DLG2: variants seen among roughly 807,000 people sequenced by gnomAD.
DLG2 encodes disks large homolog 2.
A neutral mutation model predicts 132.5 loss-of-function variants in DLG2; 45 were observed. The ratio of observed to expected loss-of-function variants is 0.34; its 90% CI spans 0.27 to 0.44. DLG2 has a LOEUF of 0.44. Ranked by LOEUF, DLG2 falls within the 20% of genes least tolerant of loss-of-function variation. The pLI, the probability that DLG2 is intolerant of heterozygous loss-of-function variation, is 1.00. For synonymous variants in DLG2, 424 were observed against 419.6 expected, an observed-to-expected ratio of 1.01 and a Z score of -0.13; for missense variants, 1,045 against 1,196.9, an observed-to-expected ratio of 0.87 and a Z score of 1.87.
intron 8 of DLG2, among the ~76,000 whole-genome samples, chr11:84,220,394 G>T (rs1308510242): frequency 6.6e-6 from 1 of 152,072 alleles, no homozygotes; most frequent in African/African-American, 2.4e-5. Flanking sequence ...TTTACCATAG[G>T]TTTTCTAATT....
At chr11:84,182,932 A>G (rs2096179137) in intron 8 of DLG2, among the ~76,000 whole-genome samples, 1 of 152,212 alleles carries the variant, frequency 6.6e-6, no homozygotes, top group Admixed American at 6.5e-5. Flanking sequence ...CATGGTCATT[A>G]AAAGGATAAT....
chr11:84,371,550 A>G (rs1225021925), intron 7 of DLG2, among the ~76,000 whole-genome samples: 1 of 151,006 alleles, frequency 6.6e-6, no homozygotes, highest in Non-Finnish European at 1.5e-5. Context: ...GCCTGGCCAC[A>G]AAATCTTTTC....
chr11:85,535,282 G>A (rs1565650002), intron 3 of DLG2, among the ~76,000 whole-genome samples: 1 of 151,824 alleles, frequency 6.6e-6, no homozygotes, highest in Non-Finnish European at 1.5e-5. Context: ...AAACATTGTA[G>A]GTATTATAAA....
chr11:85,485,365 A>G (rs566652636), intron 3 of DLG2, among the ~76,000 whole-genome samples: 2 of 152,052 alleles, frequency 1.3e-5, no homozygotes, highest in African/African-American at 2.4e-5. Flanking sequence ...CAATAAATAA[A>G]TAAACAAATA....
At position 85,445,552 on chromosome 11, in the gene DLG2, C is replaced by T. The variant is rs150127314; in HGVS notation, c.40+153105G>A. ...AAAATTAGCTGTGCATCATGGCCTG[C>T]GCCTGTAATCCCAGCTACTCAGGAG... On this transcript the variant is annotated intron_variant, in intron 3 of 27. Transcript: ENST00000376104. Among the ~76,000 whole-genome samples the T allele has an allele frequency of 1.0e-2, 1,517 of 152,192 alleles. 31 individuals carry two copies. Among genetic ancestry groups the T allele is most frequent in the African/African-American group, 0.035 (1,433 of 41,532 alleles).
intron 6 of DLG2, among the ~76,000 whole-genome samples, chr11:84,615,752 C>T (rs1462655203): frequency 6.9e-6 from 1 of 143,978 alleles, no homozygotes; most frequent in Non-Finnish European, 1.5e-5. Context: ...TATTTTGTCT[C>T]CAAATTATCT....
intron 15 of DLG2, among the ~76,000 whole-genome samples, chr11:83,908,632 C>G (rs1283882816): frequency 6.6e-6 from 1 of 152,144 alleles, no homozygotes; most frequent in Non-Finnish European, 1.5e-5. Flanking sequence ...TGAGCCATTC[C>G]TAGCAGAGTA....
intron 2 of DLG2, among the ~76,000 whole-genome samples, chr11:85,621,608 T>G (rs946548196): frequency 1.3e-5 from 2 of 152,188 alleles, no homozygotes; most frequent in African/African-American, 4.8e-5. Context: ...GATTCAAGTC[T>G]TCAGTGGAAG....
At chr11:85,081,321 T>C (rs1263746954) in intron 6 of DLG2, among the ~76,000 whole-genome samples, 1 of 152,158 alleles carries the variant, frequency 6.6e-6, no homozygotes, top group African/African-American at 2.4e-5. Context: ...AGCAACAGCA[T>C]GGGAAGTTGC....
At chr11:85,109,316 T>C (rs1215746869) in intron 6 of DLG2, among the ~76,000 whole-genome samples, 1 of 152,104 alleles carries the variant, frequency 6.6e-6, no homozygotes, top group Non-Finnish European at 1.5e-5. Flanking sequence ...CCCAGTTCTA[T>C]GGCAGAAATG....
chr11:84,358,807 AC>A (rs1780387625), intron 7 of DLG2, among the ~76,000 whole-genome samples: 1 of 151,974 alleles, frequency 6.6e-6, no homozygotes, highest in Non-Finnish European at 1.5e-5. Context: ...ATTAAATCCA[AC>A]AGCAACCTAT....
At chr11:85,395,328 C>T (rs1020105100) in intron 3 of DLG2, among the ~76,000 whole-genome samples, 8 of 152,130 alleles carry the variant, frequency 5.3e-5, no homozygotes, top group Non-Finnish European at 1.0e-4. Context: ...CTGCAGCTCC[C>T]AGCAATATCG....
At position 84,714,332 on chromosome 11, in the gene DLG2, T is replaced by C. The variant is rs115046950; in HGVS notation, c.358-179601A>G. ...ATGTTTTACAACAAAGTTGGCCACA[T>C]TTAAATAAACAAATGGGCAAACAAA... is the stretch of plus-strand genomic sequence containing the variant. On this transcript the variant is annotated intron_variant, in intron 6 of 27. Transcript: ENST00000376104. 2.8e-3 allele frequency among the ~76,000 whole-genome samples: 432 copies of C among 152,198 alleles called. 5 individuals are homozygous for C. Among genetic ancestry groups the C allele is most frequent in the African/African-American group, 0.01 (420 of 41,544 alleles).
intron 8 of DLG2, among the ~76,000 whole-genome samples, chr11:84,175,857 T>A (rs1422031659): frequency 6.6e-6 from 1 of 152,100 alleles, no homozygotes; most frequent in East Asian, 1.9e-4. Flanking sequence ...TGCTGCTTTA[T>A]TTTATTTCAC....
chr11:83,774,850 A>C (rs2094524509), intron 18 of DLG2, among the ~76,000 whole-genome samples: 1 of 152,080 alleles, frequency 6.6e-6, no homozygotes, highest in Non-Finnish European at 1.5e-5. Flanking sequence ...TTACCCCTAC[A>C]TTCCTGGTGA....
At chr11:83,900,220 C>CA (rs1402879610) in intron 15 of DLG2, among the ~76,000 whole-genome samples, 2 of 152,044 alleles carry the variant, frequency 1.3e-5, no homozygotes, top group Non-Finnish European at 2.9e-5. Flanking sequence ...ATAAGGGAAG[C>CA]AGAGCATAAA....
At chr11:83,948,479 T>C (rs74913607) in intron 14 of DLG2, among the ~76,000 whole-genome samples, 4,202 of 152,158 alleles carry the variant, frequency 0.028, 209 homozygotes, top group African/African-American at 0.095. Context: ...CTGGAACAGG[T>C]TGTGTTTCTG....
intron 10 of DLG2, among the ~76,000 whole-genome samples, chr11:84,089,345 G>A (rs965278785): frequency 6.6e-6 from 1 of 152,050 alleles, no homozygotes; most frequent in Non-Finnish European, 1.5e-5. Flanking sequence ...CCTTCATCTC[G>A]TGATGATTAC....
chr11:84,477,346 T>C (rs1257761909), intron 7 of DLG2, among the ~76,000 whole-genome samples: 2 of 151,798 alleles, frequency 1.3e-5, no homozygotes, highest in African/African-American at 4.8e-5. Flanking sequence ...AATACAAAAA[T>C]TGGCCAGGCA....
Sources: gnomAD v4.1 joint callset for allele counts (sites outside exome capture counted in the v4.1 genomes callset) on GRCh38, gnomAD v4.1.1 for gene constraint, MANE v1.5 for transcripts, NCBI Gene and HGNC (gene_info 2026-07-23, HGNC 2026-07-21) for gene names.